RNF157: variants seen among roughly 807,000 people sequenced by gnomAD.
The protein encoded by RNF157 is ring finger protein 157.
In RNF157, 55 loss-of-function variants were observed where a neutral mutation model predicts 88.3. The ratio of observed to expected loss-of-function variants is 0.62; its 90% CI spans 0.50 to 0.78. The LOEUF (loss-of-function observed/expected upper bound fraction) is 0.78. Ranked by LOEUF, RNF157 falls within the 30% of genes least tolerant of loss-of-function variation. The pLI is 0.00. For missense variants in RNF157, 788 were observed against 860.8 expected (o/e 0.92, Z 1.06); for synonymous variants, 334 against 341.2 (o/e 0.98, Z 0.23).
intron 12 of RNF157, 139 bp from the exon 13 acceptor site, chr17:76,158,640 G>GCCCA: frequency 1.6e-6 from 1 of 626,868 alleles, no homozygotes; most frequent in Non-Finnish European, 2.9e-6. Context: ...ATGTTTCCCA[G>GCCCA]GCTGGGCTGG....
chr17:76,173,345 A>C lies in RNF157; in HGVS notation c.296+357T>G, dbSNP rs549617177. Among the ~76,000 whole-genome samples, 3 of 152,340 alleles carry C rather than the reference A, an allele frequency of 2.0e-5. No individual in the cohort carries two copies. In the South Asian group the frequency reaches 6.2e-4, roughly 32 times the overall value. On this transcript the variant is annotated intron_variant, in intron 3 of 18. Transcript: ENST00000269391. ...ATAAAATAAAGGATTTGATATTCTAAGTTCAAATTTCCCATTTTTACATTG... is the reference window on the plus strand; with the variant it reads ...ATAAAATAAAGGATTTGATATTCTACGTTCAAATTTCCCATTTTTACATTG...
chr17:76,150,849 G>A (rs1323508644), intron 18 of RNF157, among the ~76,000 whole-genome samples: 2 of 152,238 alleles, frequency 1.3e-5, no homozygotes, highest in Non-Finnish European at 2.9e-5. Context: ...GTGTGTGCGT[G>A]CCCAGCAAGC....
chr17:76,225,790 T>C, intron 1 of RNF157: 1 of 1,562,250 alleles, frequency 6.4e-7, no homozygotes, highest in Non-Finnish European at 8.6e-7. Context: ...TGCGGACCTC[T>C]TCTATCAAAT....
At chr17:76,217,342 T>G (rs1321979010) in intron 1 of RNF157, among the ~76,000 whole-genome samples, 2 of 152,166 alleles carry the variant, frequency 1.3e-5, no homozygotes, top group East Asian at 3.8e-4. Flanking sequence ...ATAAATTTAC[T>G]TATTGGTATT....
At chr17:76,212,780 T>C (rs560014570) in intron 1 of RNF157, among the ~76,000 whole-genome samples, 1 of 152,242 alleles carries the variant, frequency 6.6e-6, no homozygotes, top group African/African-American at 2.4e-5. Flanking sequence ...GAGGATGGCT[T>C]GAACCCAGGA....
chr17:76,235,787 C>G (rs2145089450), intron 1 of RNF157, among the ~76,000 whole-genome samples: 1 of 152,176 alleles, frequency 6.6e-6, no homozygotes, highest in Non-Finnish European at 1.5e-5. Flanking sequence ...GGTGGGAGGA[C>G]TGCTTGAGAC....
At chr17:76,194,816 C>T (rs1447912840) in intron 2 of RNF157, among the ~76,000 whole-genome samples, 2 of 152,098 alleles carry the variant, frequency 1.3e-5, no homozygotes, top group South Asian at 2.1e-4. Context: ...GAGATCGAGA[C>T]CATCCTGGCT....
chr17:76,163,988 GAACA>G (rs1420756170), intron 8 of RNF157: 2 of 152,178 alleles, frequency 1.3e-5, no homozygotes, highest in Admixed American at 6.5e-5. Flanking sequence ...CTAAAAGAAC[GAACA>G]GTGTAGAATT....
intron 1 of RNF157, chr17:76,225,643 G>T: frequency 9.9e-7 from 1 of 1,010,992 alleles, no homozygotes; most frequent in South Asian, 2.1e-5. Context: ...ATTGTTTTTA[G>T]TGGCCAAATA....
At chr17:76,228,333 A>C (rs2070130387) in intron 1 of RNF157, among the ~76,000 whole-genome samples, 1 of 152,086 alleles carries the variant, frequency 6.6e-6, no homozygotes, top group Non-Finnish European at 1.5e-5. Flanking sequence ...GTGCTCTCAG[A>C]ACCCTTATGC....
intron 1 of RNF157, among the ~76,000 whole-genome samples, chr17:76,215,017 C>A (rs1476101573): frequency 6.6e-6 from 1 of 152,092 alleles, no homozygotes; most frequent in Non-Finnish European, 1.5e-5. Flanking sequence ...CCATAATATA[C>A]CTTTATCAAC....
intron 13 of RNF157, 62 bp downstream of exon 13, chr17:76,158,331 T>C: frequency 1.9e-6 from 2 of 1,067,368 alleles, no homozygotes; most frequent in South Asian, 1.2e-5. Context: ...TGATGAGGCA[T>C]GCAGGTAGGA....
chr17:76,156,769 C>T (rs2068771312), intron 13 of RNF157, among the ~76,000 whole-genome samples: 1 of 152,200 alleles, frequency 6.6e-6, no homozygotes, highest in African/African-American at 2.4e-5. Context: ...GATACAAACA[C>T]CACCTTGCTC....
rs757150273 is a variant in RNF157, at chr17:76,159,526, C to T, written c.1113G>A (p.Glu371=). The T allele has an allele frequency of 1.2e-6, 2 of 1,603,196 alleles. No individual in the cohort carries two copies. Among genetic ancestry groups the T allele is most frequent in the Non-Finnish European group, 1.7e-6 (2 of 1,177,122 alleles). ...ACGGGGTGAGGGGCCCGTTGAGGGC[C>T]TCCAGAAGAGATACTACTTCATAGC... The part of the protein sequence containing the change: ...PPGYEVVSLL[E]ALNGPLTPSP... The change falls in exon 12 of 19, where the codon GAG becomes GAA. Residue 371 remains glutamate (E), a synonymous_variant. Coordinates refer to ENST00000269391, the MANE Select transcript of RNF157 (RefSeq NM_052916.3).
chr17:76,154,268 C>T lies in RNF157; in HGVS notation c.1810+15G>A, dbSNP rs747568086. 1.6e-5 allele frequency: 25 copies of T among 1,585,972 alleles called. No homozygotes were observed. Among genetic ancestry groups the T allele is most frequent in the Non-Finnish European group, 2.1e-5 (24 of 1,154,432 alleles). ...AAGATAACTAAAGGAAGTAAAGGAC[C>T]AGATCTTTTACCACCTTCCTGCGTG... On this transcript the variant is annotated intron_variant, in intron 17 of 18. Transcript: ENST00000269391.
At chr17:76,198,405 C>T (rs746967880) in intron 2 of RNF157, among the ~76,000 whole-genome samples, 4 of 152,148 alleles carry the variant, frequency 2.6e-5, no homozygotes, top group Non-Finnish European at 5.9e-5. Context: ...TCCAAAACTG[C>T]CACAGAGATC....
chr17:76,145,614 G>A, intron 18 of RNF157: 1 of 409,202 alleles, frequency 2.4e-6, no homozygotes, highest in East Asian at 3.8e-5. Context: ...CATGAAAGAT[G>A]TTCCTTGTTT....
chr17:76,170,047 G>A (rs1230452227), intron 3 of RNF157, among the ~76,000 whole-genome samples: 2 of 152,210 alleles, frequency 1.3e-5, no homozygotes, highest in Non-Finnish European at 1.5e-5. Flanking sequence ...GGGCTTCACT[G>A]TGGGCTGACC....
At chr17:76,148,950 A>G (rs981125502) in intron 18 of RNF157, among the ~76,000 whole-genome samples, 3 of 152,080 alleles carry the variant, frequency 2.0e-5, no homozygotes, top group Non-Finnish European at 2.9e-5. Flanking sequence ...CCTGCCACCT[A>G]TGTAACAGTC....
Sources: allele counts gnomAD v4.1 joint callset (sites outside exome capture counted in the v4.1 genomes callset), GRCh38; gene constraint gnomAD v4.1.1; transcripts MANE v1.5; gene names NCBI Gene and HGNC (gene_info 2026-07-23, HGNC 2026-07-21).